The following ZNF385D variants were observed in gnomAD, a reference collection of about 807,000 sequenced individuals.
ZNF385D encodes zinc finger protein 659.
Under a neutral mutation model 35.8 loss-of-function variants are expected in ZNF385D, and 15 were observed. The ratio of observed to expected loss-of-function variants is 0.42; its 90% CI spans 0.28 to 0.64. The LOEUF is 0.64. Among genes scored for constraint, ZNF385D ranks in the 30% least tolerant of loss-of-function variants. The probability of loss-of-function intolerance (pLI) is 0.23; values close to 1 mark genes in which losing one functional copy is unlikely to be tolerated. For missense variants in ZNF385D, 474 were observed against 494.6 expected (o/e 0.96, Z 0.39); for synonymous variants, 212 against 186.8 (o/e 1.13, Z -1.10).
chr3:22,126,005 AAGCT>A (rs150129331), intron 3 of ZNF385D, among the ~76,000 whole-genome samples: 166 of 152,172 alleles, frequency 1.1e-3, no homozygotes, highest in African/African-American at 3.9e-3. Flanking sequence ...ATTAGAGAAA[AAGCT>A]TTTAATTTTT....
chr3:21,928,279 G>C (rs542699350), intron 3 of ZNF385D, among the ~76,000 whole-genome samples: 1 of 128,836 alleles, frequency 7.8e-6, no homozygotes, highest in Non-Finnish European at 1.6e-5. Flanking sequence ...GGAAGGAAGA[G>C]AGGAAGGAAG....
At chr3:21,856,120 A>C (rs1696698289) in intron 3 of ZNF385D, among the ~76,000 whole-genome samples, 1 of 150,986 alleles carries the variant, frequency 6.6e-6, no homozygotes, top group African/African-American at 2.5e-5. Flanking sequence ...TGAGAGGAGA[A>C]ATTTTTTTCT....
rs1700677338 is a variant in ZNF385D, at chr3:21,420,232, A to C, written c.*982T>G. 6.6e-6 allele frequency: 1 copy of C among 152,202 alleles called. No individual in the cohort carries two copies. The highest frequency in any genetic ancestry group is 1.5e-5 in the Non-Finnish European group (1 of 68,028). 9.4% of individuals were successfully genotyped at this position (152,202 alleles called of 1,614,324 possible). A position where few individuals can be genotyped will look rare whatever the true frequency, so the allele number is the denominator to read the frequency against. ...TATAAAGGGGATACTGCAGAGATGC[A>C]ACATTCTCCGTTTTTACTGGATATG... On this transcript the variant is annotated 3_prime_UTR_variant, in exon 8 of 8. Transcript: ENST00000281523.
intron 2 of ZNF385D, among the ~76,000 whole-genome samples, chr3:21,608,027 T>G (rs1395498035): frequency 6.9e-6 from 1 of 145,342 alleles, no homozygotes; most frequent in Non-Finnish European, 1.5e-5. Context: ...TTTTTTGTTT[T>G]TTTTTTTTGA....
intron 2 of ZNF385D, among the ~76,000 whole-genome samples, chr3:21,638,902 G>A (rs946397442): frequency 1.3e-5 from 2 of 152,048 alleles, no homozygotes; most frequent in Non-Finnish European, 2.9e-5. Context: ...CTCAGTAGCT[G>A]AAGCATACAC....
At chr3:21,866,161 A>C (rs756552317) in intron 3 of ZNF385D, among the ~76,000 whole-genome samples, 1 of 152,112 alleles carries the variant, frequency 6.6e-6, no homozygotes, top group African/African-American at 2.4e-5. Context: ...GGTATTAAAA[A>C]AAAACACTGG....
chr3:21,516,275 C>T (rs1365697249), intron 3 of ZNF385D, among the ~76,000 whole-genome samples: 1 of 152,202 alleles, frequency 6.6e-6, no homozygotes, highest in African/African-American at 2.4e-5. Context: ...TGTCAGTGAA[C>T]TGGTTTTCTG....
intron 3 of ZNF385D, among the ~76,000 whole-genome samples, chr3:21,997,856 GGC>G (rs59960063): frequency 0.022 from 3,199 of 142,936 alleles, 54 homozygotes; most frequent in African/African-American, 0.034. Flanking sequence ...GTTGCTATTT[GGC>G]GCGCGCGCGC....
At chr3:21,827,699 G>T (rs781388650) in intron 3 of ZNF385D, among the ~76,000 whole-genome samples, 6 of 152,192 alleles carry the variant, frequency 3.9e-5, no homozygotes, top group Non-Finnish European at 7.3e-5. Context: ...GTCTTGGAAC[G>T]TGGAAGGAAA....
intron 7 of ZNF385D, 101 bp downstream of exon 7, chr3:21,423,862 G>A (rs811358): frequency 0.071 from 75,122 of 1,058,550 alleles, 3,123 homozygotes; most frequent in African/African-American, 0.15. Flanking sequence ...AAGGTAAAAG[G>A]TACTGGGCTG....
At chr3:22,082,509 A>AC (rs945630730) in intron 3 of ZNF385D, among the ~76,000 whole-genome samples, 1 of 152,124 alleles carries the variant, frequency 6.6e-6, no homozygotes, top group African/African-American at 2.4e-5. Flanking sequence ...AGGGATGTCC[A>AC]CCATTGCTGA....
intron 1 of ZNF385D, among the ~76,000 whole-genome samples, chr3:21,717,247 A>G (rs540334744): frequency 6.6e-6 from 1 of 152,210 alleles, no homozygotes; most frequent in Non-Finnish European, 1.5e-5. Context: ...TTGTGAATAC[A>G]GTTATGCCTT....
At chr3:21,670,929 G>A (rs549477116) in intron 1 of ZNF385D, among the ~76,000 whole-genome samples, 1 of 151,974 alleles carries the variant, frequency 6.6e-6, no homozygotes, top group Non-Finnish European at 1.5e-5. Flanking sequence ...CGATGGCAGA[G>A]TGCTTCTTGC....
chr3:21,704,493 ATTTAT>A (rs556265801), intron 1 of ZNF385D, among the ~76,000 whole-genome samples: 141 of 151,928 alleles, frequency 9.3e-4, no homozygotes, highest in Admixed American at 2.5e-3. Context: ...ATCTGATATT[ATTTAT>A]TTTATTTTAT....
At chr3:21,570,793 C>G (rs1199152383) in intron 2 of ZNF385D, among the ~76,000 whole-genome samples, 1 of 152,096 alleles carries the variant, frequency 6.6e-6, no homozygotes, top group East Asian at 1.9e-4. Flanking sequence ...CATAATCAAG[C>G]TTTGTAATAT....
chr3:22,202,819 G>A (rs1696892267), intron 2 of ZNF385D, among the ~76,000 whole-genome samples: 1 of 152,058 alleles, frequency 6.6e-6, no homozygotes, highest in African/African-American at 2.4e-5. Flanking sequence ...GAGCTCATCT[G>A]GTGCCTATAA....
intron 3 of ZNF385D, among the ~76,000 whole-genome samples, chr3:21,878,820 T>A (rs1442956317): frequency 6.6e-6 from 1 of 152,104 alleles, no homozygotes. Context: ...GATTAGCAAG[T>A]TATTTTCAAC....
chr3:22,187,964 G>T (rs1203346971), intron 2 of ZNF385D, among the ~76,000 whole-genome samples: 1 of 152,156 alleles, frequency 6.6e-6, no homozygotes. Context: ...CAAAGGGGAT[G>T]TTGCATGTCA....
chr3:21,846,527 G>A (rs1200764111), intron 3 of ZNF385D, among the ~76,000 whole-genome samples: 1 of 152,034 alleles, frequency 6.6e-6, no homozygotes, highest in Non-Finnish European at 1.5e-5. Context: ...CCATAGCTGA[G>A]AGGTGAAGCA....
Sources: gnomAD v4.1 joint callset for allele counts (sites outside exome capture counted in the v4.1 genomes callset) on GRCh38, gnomAD v4.1.1 for gene constraint, MANE v1.5 for transcripts, NCBI Gene and HGNC (gene_info 2026-07-23, HGNC 2026-07-21) for gene names.